Variants in TTI2 observed in about 807,000 individuals in gnomAD.
TTI2 encodes TELO2 interacting protein 2.
Under a neutral mutation model 44.9 loss-of-function variants are expected in TTI2, and 26 were observed. That is an observed-to-expected ratio of 0.58 (90% CI 0.42 to 0.80). The LOEUF is 0.80. Among genes scored for constraint, TTI2 ranks in the 30% least tolerant of loss-of-function variants. TTI2 has a pLI of 0.00. For missense variants in TTI2, 582 were observed against 611.6 expected (o/e 0.95, Z 0.51); for synonymous variants, 254 against 250.9 (o/e 1.01, Z -0.12).
At chr8:33,505,618 T>C (rs1431854132) in intron 4 of TTI2, among the ~76,000 whole-genome samples, 1 of 151,932 alleles carries the variant, frequency 6.6e-6, no homozygotes, top group Non-Finnish European at 1.5e-5. Flanking sequence ...GCCTCCTGAG[T>C]AGCTGGGATT....
chr8:33,512,586 G>A lies in TTI2; in HGVS notation c.28C>T (p.Pro10Ser), dbSNP rs1161488672. Residue 10 changes from proline to serine, a missense_variant, in exon 2 of 8, where the codon CCA becomes TCA. Pro to Ser is a moderately conservative substitution (Grantham distance 74). Transcript: ENST00000431156. MELDSALEA[P>S]SQEDSNLSEE... ...GACAAATTAGAGTCTTCCTGCGATG[G>A]GGCTTCCAGAGCGCTGTCAAGCTCC... The A allele has an allele frequency of 6.8e-6, 11 of 1,613,624 alleles. No homozygotes were observed. Among genetic ancestry groups the A allele is most frequent in the Non-Finnish European group, 9.3e-6 (11 of 1,180,044 alleles).
chr8:33,500,641 A>G (rs952664332), intron 6 of TTI2, 151 bp from the exon 7 acceptor site: 1 of 927,032 alleles, frequency 1.1e-6, no homozygotes, highest in African/African-American at 1.7e-5. Flanking sequence ...AACAGAACCA[A>G]AGACAGCCTC....
chr8:33,512,738 G>A, intron 1 of TTI2, 26 bp from the exon 2 acceptor site: 1 of 1,157,164 alleles, frequency 8.6e-7, no homozygotes, highest in Admixed American at 2.5e-5. Context: ...ATAAAACAGA[G>A]AGATGTCTTG....
At position 33,507,430 on chromosome 8, in the gene TTI2, C is replaced by T. The variant is rs1211718381; in HGVS notation, c.835-109G>A. The T allele has an allele frequency of 1.0e-5, 9 of 867,234 alleles. No homozygotes were observed. In the East Asian group the frequency reaches 2.1e-4, roughly 20 times the overall value. 53.7% of individuals were successfully genotyped at this position (867,234 alleles called of 1,614,324 possible). ...TATGAAGCATGAAGAACATGCCATC[C>T]CAAAATATGCATGATTGTTTCGAGT... On this transcript the variant is annotated intron_variant, in intron 3 of 7. Transcript: ENST00000431156.
At position 33,499,012 on chromosome 8, in the gene TTI2, A is replaced by C; in HGVS notation, c.*161T>G. The C allele has an allele frequency of 1.5e-6, 1 of 650,162 alleles. No individual in the cohort carries two copies. The highest frequency in any genetic ancestry group is 2.6e-6 in the Non-Finnish European group (1 of 377,524). 40.3% of individuals were successfully genotyped at this position (650,162 alleles called of 1,614,324 possible). A position where few individuals can be genotyped will look rare whatever the true frequency, so the allele number is the denominator to read the frequency against. ...AAGGAGTTCAATTTTTTCTTGTTCT[A>C]CTTTCCCTATTCTTATGGAGGTAAA... On this transcript the variant is annotated 3_prime_UTR_variant, in exon 8 of 8. Transcript: ENST00000431156.
Position 33,512,074 on chromosome 8 carries a change from A to G in TTI2, c.540T>C (p.Leu180=). 1 of 1,614,102 alleles carries G rather than the reference A, an allele frequency of 6.2e-7. No homozygotes were observed. The highest frequency in any genetic ancestry group is 8.5e-7 in the Non-Finnish European group (1 of 1,180,006). ...CCACAGAACCGCATTCAGTAACTTG[A>G]AGCAGTGAGGTGAGCACCTCCCTAG... ...EVAREVLTSL[L]QVTECGSVAG... The change falls in exon 2 of 8, where the codon CTT becomes CTC. Residue 180 remains leucine, a synonymous_variant. Transcript: ENST00000431156.
intron 4 of TTI2, among the ~76,000 whole-genome samples, chr8:33,505,052 G>A (rs549189856): frequency 3.9e-5 from 6 of 152,092 alleles, no homozygotes; most frequent in East Asian, 1.9e-4. Flanking sequence ...GCAAAACCCC[G>A]TCTCTGCTAA....
intron 6 of TTI2, among the ~76,000 whole-genome samples, chr8:33,503,019 C>T (rs1809149914): frequency 6.7e-6 from 1 of 150,314 alleles, no homozygotes; most frequent in African/African-American, 2.5e-5. Context: ...ATCCCAGCTA[C>T]TTGGGAGACT....
intron 3 of TTI2, among the ~76,000 whole-genome samples, chr8:33,509,473 A>G (rs146004251): frequency 0.013 from 1,693 of 133,896 alleles, 29 homozygotes; most frequent in South Asian, 0.041. Flanking sequence ...AAAAAAAAAA[A>G]AAAGAAAGAA....
At chr8:33,500,139 A>G (rs1454164289) in intron 7 of TTI2, 189 bp downstream of exon 7, 4 of 620,194 alleles carry the variant, frequency 6.4e-6, no homozygotes, top group African/African-American at 1.9e-5. Context: ...ATGGTTCTGA[A>G]TAGCTTTAAA....
At position 33,503,472 on chromosome 8, in the gene TTI2, T is replaced by TCTTC. The variant is rs1213255871; in HGVS notation, c.1212_1215dup (p.Ile406GlufsTer34). 6.8e-6 allele frequency: 11 copies of TCTTC among 1,614,010 alleles called. No individual in the cohort carries two copies. The highest frequency in any genetic ancestry group is 9.3e-6 in the Non-Finnish European group (11 of 1,180,030). On this transcript the variant is annotated frameshift_variant, in exon 6 of 8. Transcript: ENST00000431156. LOFTEE classifies it high-confidence loss of function. ...ATGAGAAGTTTTAGGGTTTCCAATA[T>TCTTC]CTTCAGTCTAGCTTCCTCCTCAGGT...
At chr8:33,504,044 GAGAATTCTAAGATACTA>G (rs1809206862) in intron 4 of TTI2, 109 bp from the exon 5 acceptor site, 10 of 1,168,226 alleles carry the variant, frequency 8.6e-6, no homozygotes, top group Non-Finnish European at 1.3e-5. Context: ...GTCCATACCA[GAGAATTCTAAGATACTA>G]GTAATCATAT....
intron 6 of TTI2, among the ~76,000 whole-genome samples, chr8:33,502,563 G>A (rs140181917): frequency 9.9e-5 from 15 of 152,020 alleles, no homozygotes; most frequent in East Asian, 9.7e-4. Flanking sequence ...AGTGGCCCAC[G>A]CCTATAATCC....
At chr8:33,501,818 A>G (rs1328072405) in intron 6 of TTI2, among the ~76,000 whole-genome samples, 1 of 152,226 alleles carries the variant, frequency 6.6e-6, no homozygotes, top group Non-Finnish European at 1.5e-5. Flanking sequence ...ATTTTCAGCT[A>G]TGCAAGAGAT....
At chr8:33,509,964 C>T (rs1245186095) in intron 2 of TTI2, 32 bp from the exon 3 acceptor site, 2 of 738,040 alleles carry the variant, frequency 2.7e-6, no homozygotes, top group Admixed American at 5.0e-5. Context: ...CATTAAGTGA[C>T]ATGGTGATAA....
In TTI2 at chr8:33,512,299, C is replaced by A. The variant is rs555450623; in HGVS notation, c.315G>T (p.Gly105=). 21 of 1,614,072 alleles carry A rather than the reference C, an allele frequency of 1.3e-5. No individual in the cohort carries two copies. The highest frequency in any genetic ancestry group is 3.3e-5 in the Admixed American group (2 of 59,998). The change falls in exon 2 of 8, where the codon GGG becomes GGT. Residue 105 remains glycine, a synonymous_variant. Coordinates refer to ENST00000431156, the MANE Select transcript of TTI2 (RefSeq NM_001102401.4). Reference sequence around the variant, plus strand: ...CTGCTTTCTCGGCCGCTTCGGAGTGCCCATCACCTCCACCTTCCTCCTCCT... The same window carrying A: ...CTGCTTTCTCGGCCGCTTCGGAGTGACCATCACCTCCACCTTCCTCCTCCT... ...PSKEEEGGGD[G]HSEAAEKAAQ...
At chr8:33,505,753 A>AAG (rs1227890114) in intron 4 of TTI2, among the ~76,000 whole-genome samples, 1 of 152,158 alleles carries the variant, frequency 6.6e-6, no homozygotes, top group Non-Finnish European at 1.5e-5. Flanking sequence ...TCCTGGGTTC[A>AAG]AGTGATTCTC....
At chr8:33,508,804 T>C (rs866512647) in intron 3 of TTI2, among the ~76,000 whole-genome samples, 10 of 151,982 alleles carry the variant, frequency 6.6e-5, no homozygotes, top group South Asian at 4.2e-4. Flanking sequence ...TTGGATATAG[T>C]CCCTTTCAGG....
intron 2 of TTI2, 91 bp downstream of exon 2, chr8:33,511,876 T>A: frequency 7.0e-7 from 1 of 1,437,012 alleles, no homozygotes; most frequent in Non-Finnish European, 9.5e-7. Flanking sequence ...GCAACAAGAG[T>A]GAAACTCTGT....
Sources: allele counts gnomAD v4.1 joint callset (sites outside exome capture counted in the v4.1 genomes callset), GRCh38; gene constraint gnomAD v4.1.1; transcripts MANE v1.5; gene names NCBI Gene and HGNC (gene_info 2026-07-23, HGNC 2026-07-21).